CLEC16A: variants seen among roughly 807,000 people sequenced by gnomAD.
CLEC16A encodes the protein protein CLEC16A.
CLEC16A carries 51 observed loss-of-function variants against 109.5 expected under a neutral mutation model. The observed-to-expected ratio is 0.47, with a 90% CI of 0.37 to 0.59. The LOEUF (loss-of-function observed/expected upper bound fraction) is 0.59, where lower values mean the gene tolerates loss of function less well. Ranked by LOEUF, CLEC16A falls within the 20% of genes least tolerant of loss-of-function variation. The probability of loss-of-function intolerance (pLI) is 0.00; values close to 1 mark genes in which losing one functional copy is unlikely to be tolerated. For missense variants in CLEC16A, 1,339 were observed against 1,394.0 expected (o/e 0.96, Z 0.63); for synonymous variants, 673 against 564.2 (o/e 1.19, Z -2.73).
chr16:10,959,532 C>T (rs762863865), intron 2 of CLEC16A, among the ~76,000 whole-genome samples: 3 of 152,082 alleles, frequency 2.0e-5, no homozygotes, highest in Non-Finnish European at 2.9e-5. Flanking sequence ...GTTGGGATTA[C>T]AGGCATGCAC....
intron 22 of CLEC16A, among the ~76,000 whole-genome samples, chr16:11,151,445 GCA>G (rs1363337314): frequency 6.6e-6 from 1 of 152,200 alleles, no homozygotes; most frequent in Non-Finnish European, 1.5e-5. Flanking sequence ...GAAGTCCTCT[GCA>G]CATATGTGTG....
intron 20 of CLEC16A, 128 bp from the exon 21 acceptor site, chr16:11,123,614 G>T: frequency 2.3e-6 from 2 of 877,232 alleles, no homozygotes; most frequent in Non-Finnish European, 3.6e-6. Flanking sequence ...TTGGGAGGCT[G>T]TCGATCTTAG....
chr16:11,170,151 G>T (rs2068443975), intron 23 of CLEC16A, among the ~76,000 whole-genome samples: 1 of 152,216 alleles, frequency 6.6e-6, no homozygotes, highest in Non-Finnish European at 1.5e-5. Flanking sequence ...GCCCCGATCT[G>T]GATCCTGGTT....
chr16:11,002,657 C>T (rs1057033252), intron 10 of CLEC16A, among the ~76,000 whole-genome samples: 3 of 152,056 alleles, frequency 2.0e-5, no homozygotes, highest in African/African-American at 7.2e-5. Context: ...TCCAAGTCCA[C>T]CACCCCTCCC....
At chr16:11,087,861 G>A (rs980739023) in intron 19 of CLEC16A, among the ~76,000 whole-genome samples, 1 of 152,244 alleles carries the variant, frequency 6.6e-6, no homozygotes, top group Non-Finnish European at 1.5e-5. Flanking sequence ...CAAGGTGGCT[G>A]GGAGGGGAGG....
chr16:11,169,913 T>C (rs560501752), intron 23 of CLEC16A, among the ~76,000 whole-genome samples: 1 of 152,268 alleles, frequency 6.6e-6, no homozygotes, highest in East Asian at 1.9e-4. Context: ...TATAGGCACT[T>C]CACAGATGTC....
At chr16:11,020,680 G>T (rs905171296) in intron 12 of CLEC16A, among the ~76,000 whole-genome samples, 6 of 152,242 alleles carry the variant, frequency 3.9e-5, no homozygotes, top group Non-Finnish European at 8.8e-5. Flanking sequence ...CAGTAGCTGG[G>T]CTTGGATCTC....
chr16:11,122,170 C>T (rs1318722033), intron 20 of CLEC16A, among the ~76,000 whole-genome samples: 1 of 152,224 alleles, frequency 6.6e-6, no homozygotes, highest in Non-Finnish European at 1.5e-5. Context: ...GTGTCCTGCT[C>T]TCTGCGAGAA....
rs545682260 is a variant in CLEC16A, at chr16:11,027,357, C to T, written c.1537+2436C>T. 1.2e-5 allele frequency: 17 copies of T among 1,414,922 alleles called. No individual in the cohort carries two copies. The East Asian group carries it at 3.6e-4, about 30-fold the overall frequency. The allele number at this position is 1,414,922 out of a possible 1,614,324, so 87.6% of individuals were successfully genotyped here. ...GCAGAGAACCATTGCAAGACTTTGC[C>T]TAAAGAAAATTTTTAGTGGTGTCTT... On this transcript the variant is annotated intron_variant, in intron 13 of 23. Coordinates refer to ENST00000409790, the MANE Select transcript of CLEC16A (RefSeq NM_015226.3).
intron 22 of CLEC16A, among the ~76,000 whole-genome samples, chr16:11,140,704 C>A (rs1281428472): frequency 6.6e-6 from 1 of 152,238 alleles, no homozygotes; most frequent in Non-Finnish European, 1.5e-5. Flanking sequence ...AAGCCACCAT[C>A]ATCAGTGCAC....
chr16:11,122,750 CATGGGAGTAGAT>C (rs2052519284), intron 20 of CLEC16A, among the ~76,000 whole-genome samples: 2 of 152,268 alleles, frequency 1.3e-5, no homozygotes, highest in South Asian at 4.1e-4. Context: ...CTCAAACCTT[CATGGGAGTAGAT>C]TGTCTATGCA....
chr16:10,956,100 T>C (rs890666453), intron 1 of CLEC16A, among the ~76,000 whole-genome samples: 3 of 152,240 alleles, frequency 2.0e-5, no homozygotes, highest in African/African-American at 7.2e-5. Flanking sequence ...TACCTAATTA[T>C]AGAGGGAAAC....
At chr16:11,133,384 C>A (rs1047661998) in intron 22 of CLEC16A, among the ~76,000 whole-genome samples, 4 of 151,888 alleles carry the variant, frequency 2.6e-5, no homozygotes, top group African/African-American at 9.7e-5. Flanking sequence ...AGTATCTGGG[C>A]CATGCCTTGC....
intron 10 of CLEC16A, among the ~76,000 whole-genome samples, chr16:11,002,623 A>G (rs2044733916): frequency 6.6e-6 from 1 of 152,002 alleles, no homozygotes; most frequent in Non-Finnish European, 1.5e-5. Context: ...GGACCCACCA[A>G]ACACCCTCCC....
At chr16:11,017,570 T>C (rs1212288610) in intron 11 of CLEC16A, among the ~76,000 whole-genome samples, 2 of 152,192 alleles carry the variant, frequency 1.3e-5, no homozygotes, top group Non-Finnish European at 1.5e-5. Flanking sequence ...GAGTATGGTA[T>C]GGAAGGAGGA....
At chr16:11,082,010 C>T (rs900351589) in intron 19 of CLEC16A, among the ~76,000 whole-genome samples, 5 of 151,916 alleles carry the variant, frequency 3.3e-5, no homozygotes, top group Middle Eastern at 3.2e-3. Flanking sequence ...CCAGCCTGGG[C>T]GACAGAGTGA....
At chr16:11,119,856 C>T (rs545434875) in intron 19 of CLEC16A, among the ~76,000 whole-genome samples, 9 of 152,060 alleles carry the variant, frequency 5.9e-5, no homozygotes, top group Admixed American at 3.3e-4. Flanking sequence ...GTCACTTTAA[C>T]GATATCATTT....
intron 22 of CLEC16A, among the ~76,000 whole-genome samples, chr16:11,134,027 C>G (rs182198175): frequency 6.6e-6 from 1 of 152,264 alleles, no homozygotes. Flanking sequence ...CAATAGCCCT[C>G]AGAAGGAAGA....
chr16:10,996,573 T>C (rs1443934974), intron 10 of CLEC16A, among the ~76,000 whole-genome samples: 1 of 152,200 alleles, frequency 6.6e-6, no homozygotes, highest in Non-Finnish European at 1.5e-5. Context: ...CATTTCCTCC[T>C]CTATCAAGCC....
Sources: gnomAD v4.1 joint callset for allele counts (sites outside exome capture counted in the v4.1 genomes callset) on GRCh38, gnomAD v4.1.1 for gene constraint, MANE v1.5 for transcripts, NCBI Gene and HGNC (gene_info 2026-07-23, HGNC 2026-07-21) for gene names.